FHIT: variants seen among roughly 807,000 people sequenced by gnomAD.
FHIT encodes the protein fragile histidine triad diadenosine triphosphatase, also known as bis(5'-adenosyl)-triphosphatase.
Under a neutral mutation model 17.9 loss-of-function variants are expected in FHIT, and 19 were observed. The ratio of observed to expected loss-of-function variants is 1.06; its 90% CI spans 0.74 to 1.56. FHIT has a LOEUF of 1.56. Among genes scored for constraint, FHIT ranks in the 40% most tolerant of loss-of-function variants. The probability of loss-of-function intolerance (pLI) is 0.00; values close to 1 mark genes in which losing one functional copy is unlikely to be tolerated. For missense variants in FHIT, 248 were observed against 189.2 expected (o/e 1.31, Z -1.82); for synonymous variants, 81 against 69.7 (o/e 1.16, Z -0.81).
intron 5 of FHIT, among the ~76,000 whole-genome samples, chr3:60,225,771 A>C (rs1704168979): frequency 6.6e-6 from 1 of 152,204 alleles, no homozygotes; most frequent in South Asian, 2.1e-4. Flanking sequence ...AAGATAACAG[A>C]CGGACAGGGG....
chr3:60,275,982 G>C (rs1353558045), intron 5 of FHIT, among the ~76,000 whole-genome samples: 2 of 126,556 alleles, frequency 1.6e-5, no homozygotes, highest in Non-Finnish European at 3.2e-5. Flanking sequence ...TTGAGAATTT[G>C]TTTTTGCAAT....
At chr3:60,553,436 T>C in intron 4 of FHIT, 3 of 672,808 alleles carry the variant, frequency 4.5e-6, no homozygotes, top group South Asian at 1.3e-4. Flanking sequence ...AGGTCACTGC[T>C]TTAAAATATA....
chr3:60,906,215 GGTATTGATATA>G lies in FHIT; in HGVS notation c.-110-84215_-110-84205del, dbSNP rs571346274. Among the ~76,000 whole-genome samples the G allele has an allele frequency of 4.3e-3, 662 of 152,208 alleles. 5 individuals are homozygous for G. The highest frequency in any genetic ancestry group is 0.015 in the African/African-American group (614 of 41,524). ...ACTTAATAGATTGATTGTCAGGAGG[GGTATTGATATA>G]GTAATTCTGAAACTATTTTCCGTGT... On this transcript the variant is annotated intron_variant, in intron 3 of 9. Transcript: ENST00000492590.
chr3:60,586,467 T>C (rs2037910682), intron 4 of FHIT, among the ~76,000 whole-genome samples: 6 of 152,026 alleles, frequency 3.9e-5, no homozygotes, highest in Admixed American at 3.9e-4. Context: ...GAACTATCAT[T>C]CAACCCAGAA....
chr3:60,726,992 A>T (rs1421281482), intron 4 of FHIT, among the ~76,000 whole-genome samples: 1 of 152,204 alleles, frequency 6.6e-6, no homozygotes, highest in Admixed American at 6.5e-5. Flanking sequence ...TAATAACTTT[A>T]TACACCAAAT....
chr3:60,157,479 GA>G (rs776094121), intron 5 of FHIT, among the ~76,000 whole-genome samples: 42 of 151,928 alleles, frequency 2.8e-4, no homozygotes, highest in East Asian at 1.4e-3. Context: ...ATGATATTCT[GA>G]AAAAAAATAA....
At chr3:61,133,191 C>G (rs1270672823) in intron 2 of FHIT, among the ~76,000 whole-genome samples, 1 of 152,152 alleles carries the variant, frequency 6.6e-6, no homozygotes, top group Non-Finnish European at 1.5e-5. Context: ...GACTTTTCCT[C>G]CACAGCATTG....
intron 3 of FHIT, among the ~76,000 whole-genome samples, chr3:60,924,667 G>C (rs1403013221): frequency 3.9e-5 from 6 of 152,186 alleles, no homozygotes; most frequent in Non-Finnish European, 8.8e-5. Flanking sequence ...TCCTCGAAAG[G>C]AACGCAGCTC....
chr3:60,129,042 C>CTTTTTTTTTTTTTTTT (rs1360333142), intron 5 of FHIT, among the ~76,000 whole-genome samples: 6 of 113,010 alleles, frequency 5.3e-5, no homozygotes, highest in African/African-American at 1.7e-4. Context: ...TTCTTCTTTC[C>CTTTTTTTTTTTTTTTT]TTTTTTGTTT....
chr3:60,424,781 G>GA (rs74399914), intron 5 of FHIT, among the ~76,000 whole-genome samples: 23 of 150,682 alleles, frequency 1.5e-4, no homozygotes, highest in South Asian at 1.3e-3. Flanking sequence ...ATTGTGAAAA[G>GA]AAAAAAAAAT....
chr3:60,457,522 C>A (rs1189069688), intron 5 of FHIT, among the ~76,000 whole-genome samples: 1 of 152,008 alleles, frequency 6.6e-6, no homozygotes, highest in East Asian at 1.9e-4. Context: ...TAGGCATGGG[C>A]AAGGACTTCA....
chr3:60,026,417 C>A (rs1000171511), intron 5 of FHIT, among the ~76,000 whole-genome samples: 15 of 152,090 alleles, frequency 9.9e-5, no homozygotes, highest in Admixed American at 1.3e-4. Context: ...CTCACTAGCA[C>A]CAGTGTTATC....
At chr3:60,690,476 T>A in intron 4 of FHIT, 1 of 570,628 alleles carries the variant, frequency 1.8e-6, no homozygotes, top group Non-Finnish European at 3.5e-6. Flanking sequence ...TCATCAAATT[T>A]CTCCCTGTAG....
At chr3:60,531,154 G>C (rs985297735) in intron 5 of FHIT, among the ~76,000 whole-genome samples, 1 of 151,932 alleles carries the variant, frequency 6.6e-6, no homozygotes, top group East Asian at 1.9e-4. Context: ...AGCATGCACA[G>C]AGCAAAGACA....
chr3:60,386,514 G>A (rs529096992), intron 5 of FHIT, among the ~76,000 whole-genome samples: 12 of 152,166 alleles, frequency 7.9e-5, no homozygotes, highest in African/African-American at 2.4e-4. Context: ...AATAGAAACC[G>A]CTGACTACCC....
chr3:59,963,844 G>A (rs1285246250), intron 7 of FHIT, among the ~76,000 whole-genome samples: 4 of 152,126 alleles, frequency 2.6e-5, no homozygotes, highest in Non-Finnish European at 4.4e-5. Context: ...TTTCCATGGG[G>A]ACATAGGCAG....
At chr3:60,484,225 T>A (rs552472603) in intron 5 of FHIT, among the ~76,000 whole-genome samples, 6 of 152,138 alleles carry the variant, frequency 3.9e-5, no homozygotes, top group Non-Finnish European at 8.8e-5. Flanking sequence ...GGAATCAGTA[T>A]CATGAAAATG....
intron 5 of FHIT, among the ~76,000 whole-genome samples, chr3:60,290,664 A>T (rs1481720829): frequency 2.0e-5 from 3 of 152,226 alleles, no homozygotes; most frequent in South Asian, 2.1e-4. Flanking sequence ...ATTTTTTTCT[A>T]GTTCCAAAGC....
intron 4 of FHIT, among the ~76,000 whole-genome samples, chr3:60,571,696 A>G (rs1439192876): frequency 6.6e-6 from 1 of 152,132 alleles, no homozygotes; most frequent in African/African-American, 2.4e-5. Flanking sequence ...AAGAAATACA[A>G]TTATCATTAC....
Sources: allele counts gnomAD v4.1 joint callset (sites outside exome capture counted in the v4.1 genomes callset), GRCh38; gene constraint gnomAD v4.1.1; transcripts MANE v1.5; gene names NCBI Gene and HGNC (gene_info 2026-07-23, HGNC 2026-07-21).